The following CPM variants were observed in gnomAD, a reference collection of about 807,000 sequenced individuals.
CPM encodes renal carboxypeptidase.
A neutral mutation model predicts 46.4 loss-of-function variants in CPM; 35 were observed. The ratio of observed to expected loss-of-function variants is 0.75; its 90% CI spans 0.58 to 1.00. CPM has a LOEUF of 1.00. Ranked by LOEUF, CPM falls within the 50% of genes least tolerant of loss-of-function variation. CPM has a pLI of 0.00. For synonymous variants in CPM, 195 were observed against 195.3 expected, an observed-to-expected ratio of 1.00 and a Z score of 0.01; for missense variants, 422 against 530.4, an observed-to-expected ratio of 0.80 and a Z score of 2.01.
At chr12:68,873,346 G>A (rs911574537) in intron 3 of CPM, among the ~76,000 whole-genome samples, 1 of 152,182 alleles carries the variant, frequency 6.6e-6, no homozygotes, top group African/African-American at 2.4e-5. Flanking sequence ...TTAAACATTT[G>A]TTATCCTAAT....
At chr12:68,958,008 A>G (rs1889052166) in intron 1 of CPM, among the ~76,000 whole-genome samples, 2 of 152,198 alleles carry the variant, frequency 1.3e-5, no homozygotes, top group South Asian at 2.1e-4. Context: ...ATGTCCCTGC[A>G]AAGGACAAAA....
chr12:68,918,367 A>C (rs1419214256), intron 2 of CPM, among the ~76,000 whole-genome samples: 1 of 152,134 alleles, frequency 6.6e-6, no homozygotes, highest in Non-Finnish European at 1.5e-5. Flanking sequence ...TTCTGCAGCC[A>C]AACTTCTCTC....
rs559563568 is a variant in CPM, at chr12:68,871,673, C to T, written c.431+111G>A. 22 of 1,159,736 alleles carry T rather than the reference C, an allele frequency of 1.9e-5. No homozygotes were observed. The East Asian group carries it at 4.2e-4, about 22-fold the overall frequency. 71.8% of individuals were successfully genotyped at this position (1,159,736 alleles called of 1,614,324 possible). A position where few individuals can be genotyped will look rare whatever the true frequency, so the allele number is the denominator to read the frequency against. The stretch of plus-strand genomic sequence containing the variant: ...TGGCACATCAGCGACATGACACCGG[C>T]TCTGAGGGCTCTCACCATGACACAT... On this transcript the variant is annotated intron_variant, in intron 4 of 8. Coordinates refer to ENST00000551568, the MANE Select transcript of CPM (RefSeq NM_198320.5).
intron 2 of CPM, among the ~76,000 whole-genome samples, chr12:68,927,030 G>C (rs1269532516): frequency 2.6e-5 from 4 of 152,212 alleles, no homozygotes. Flanking sequence ...ACATACATGT[G>C]CATGTGTCTT....
intron 2 of CPM, among the ~76,000 whole-genome samples, chr12:68,904,548 G>A (rs946581039): frequency 1.3e-5 from 2 of 152,200 alleles, no homozygotes; most frequent in Non-Finnish European, 2.9e-5. Flanking sequence ...ATTCGCCAAG[G>A]TTTTCACATT....
chr12:68,843,687 G>A, intron 5 of CPM: 1 of 206,464 alleles, frequency 4.8e-6, no homozygotes, highest in East Asian at 6.6e-5. Flanking sequence ...ATGGTACATT[G>A]TTGCTTCAAA....
intron 2 of CPM, among the ~76,000 whole-genome samples, chr12:68,907,818 G>T (rs1223009234): frequency 6.6e-6 from 1 of 151,548 alleles, no homozygotes; most frequent in Non-Finnish European, 1.5e-5. Context: ...GGCTGGGTTG[G>T]TTATTTATTT....
rs189706666 is a variant in CPM, at chr12:68,962,195, A to G, written c.-4+974T>C. 7.2e-3 allele frequency among the ~76,000 whole-genome samples: 575 copies of G among 80,074 alleles called. 2 individuals carry two copies. The highest frequency in any genetic ancestry group is 0.012 in the South Asian group (23 of 1,846). 52.5% of individuals were successfully genotyped at this position (80,074 alleles called of 152,430 possible). On this transcript the variant is annotated intron_variant, in intron 1 of 8. Transcript: ENST00000546373. ...AGCCTGGGCGACAGAGCGAGACTCC[A>G]TCTCAAAAAAAAAAAAAAAAAAACC...
At chr12:68,890,316 G>A (rs1886603028) in intron 2 of CPM, among the ~76,000 whole-genome samples, 1 of 151,416 alleles carries the variant, frequency 6.6e-6, no homozygotes, top group African/African-American at 2.4e-5. Flanking sequence ...ATGATAGGAT[G>A]ATAAAGCTGA....
intron 6 of CPM, among the ~76,000 whole-genome samples, chr12:68,868,334 A>C (rs1885546374): frequency 6.6e-6 from 1 of 152,136 alleles, no homozygotes; most frequent in Non-Finnish European, 1.5e-5. Flanking sequence ...AAACTGACAG[A>C]GAGCCACCCA....
intron 8 of CPM, 50 bp downstream of exon 8, chr12:68,858,873 T>C (rs1364189401): frequency 8.4e-7 from 1 of 1,193,116 alleles, no homozygotes; most frequent in African/African-American, 1.6e-5. Context: ...TGAATAAGTA[T>C]TATGAGTTCT....
At chr12:68,886,568 C>T (rs1345813730) in intron 2 of CPM, among the ~76,000 whole-genome samples, 1 of 152,176 alleles carries the variant, frequency 6.6e-6, no homozygotes, top group Non-Finnish European at 1.5e-5. Context: ...GGAGGCGGAG[C>T]TTGCAGTGAG....
downstream of CPM, chr12:68,846,668 A>C (rs1884316309): frequency 6.6e-6 from 1 of 152,194 alleles, no homozygotes; most frequent in South Asian, 2.1e-4. Context: ...TTTGGATTTT[A>C]TCTCTGATGT....
At chr12:68,856,861 G>T (rs541505113) in intron 8 of CPM, among the ~76,000 whole-genome samples, 182 bp from the exon 9 acceptor site, 1 of 152,352 alleles carries the variant, frequency 6.6e-6, no homozygotes, top group East Asian at 1.9e-4. Context: ...CCTGTTGACA[G>T]AGACCAGCGT....
intron 1 of CPM, among the ~76,000 whole-genome samples, chr12:68,947,582 G>A (rs983584123): frequency 6.7e-6 from 1 of 150,066 alleles, no homozygotes; most frequent in African/African-American, 2.5e-5. Flanking sequence ...GGGCAACAGA[G>A]TAAGACTCTG....
chr12:68,880,352 C>G (rs1464257210), intron 3 of CPM, among the ~76,000 whole-genome samples: 1 of 152,140 alleles, frequency 6.6e-6, no homozygotes, highest in Non-Finnish European at 1.5e-5. Flanking sequence ...AGTGCTATGT[C>G]TGTCAGCTCC....
intron 1 of CPM, among the ~76,000 whole-genome samples, chr12:68,946,099 A>G (rs754049841): frequency 2.6e-5 from 4 of 151,674 alleles, no homozygotes; most frequent in East Asian, 1.9e-4. Flanking sequence ...CAAGTGATTC[A>G]TCCTCCTGCC....
chr12:68,891,224 A>G (rs1402783281), intron 2 of CPM, among the ~76,000 whole-genome samples: 1 of 152,260 alleles, frequency 6.6e-6, no homozygotes, highest in Non-Finnish European at 1.5e-5. Flanking sequence ...GAAGTTTATC[A>G]CATATGGCAC....
At position 68,856,547 on chromosome 12, in the gene CPM, G is replaced by A; in HGVS notation, c.1222C>T (p.Pro408Ser). ...GQLDSIPVSN[P>S]SCPMIPLYRN... The stretch of plus-strand genomic sequence containing the variant: ...TATAGAGGAATCATTGGGCATGAAG[G>A]ATTTGATACTGGGATAGAATCCAAT... The change falls in exon 9 of 9, where the codon CCT becomes TCT. Residue 408 changes from proline (P) to serine (S), a missense_variant. Physicochemically the swap from Pro to Ser is moderately conservative, Grantham distance 74 (BLOSUM62 -1). Transcript: ENST00000551568. 1.2e-6 allele frequency: 2 copies of A among 1,614,252 alleles called. No individual in the cohort carries two copies. Among genetic ancestry groups the A allele is most frequent in the Non-Finnish European group, 1.7e-6 (2 of 1,180,038 alleles).
Sources: gnomAD v4.1 joint callset for allele counts (sites outside exome capture counted in the v4.1 genomes callset) on GRCh38, gnomAD v4.1.1 for gene constraint, MANE v1.5 for transcripts, NCBI Gene and HGNC (gene_info 2026-07-23, HGNC 2026-07-21) for gene names.